Variants in GRIP1 observed in about 807,000 individuals in gnomAD.
GRIP1 encodes glutamate receptor-interacting protein 1.
A neutral mutation model predicts 129.9 loss-of-function variants in GRIP1; 45 were observed. The observed-to-expected ratio is 0.35, with a 90% CI of 0.27 to 0.44. The LOEUF is 0.44. Among genes scored for constraint, GRIP1 ranks in the 20% least tolerant of loss-of-function variants. GRIP1 has a pLI of 1.00. For synonymous variants in GRIP1, 530 were observed against 520.8 expected (o/e 1.02, Z -0.24); for missense variants, 1,196 against 1,396.8 (o/e 0.86, Z 2.29).
intron 1 of GRIP1, among the ~76,000 whole-genome samples, chr12:66,880,080 C>G (rs1463695493): frequency 6.6e-6 from 1 of 152,010 alleles, no homozygotes; most frequent in Non-Finnish European, 1.5e-5. Context: ...TGATGAGGCA[C>G]AGAGAGTAGG....
intron 1 of GRIP1, among the ~76,000 whole-genome samples, chr12:66,827,871 A>G (rs1339701929): frequency 6.6e-6 from 1 of 152,198 alleles, no homozygotes; most frequent in Non-Finnish European, 1.5e-5. Context: ...ATAAAAACAT[A>G]TCTTGCTTAT....
intron 1 of GRIP1, among the ~76,000 whole-genome samples, chr12:66,789,599 ATTAATT>A (rs1344897423): frequency 6.6e-6 from 1 of 151,658 alleles, no homozygotes; most frequent in Non-Finnish European, 1.5e-5. Flanking sequence ...ATGGTCCATA[ATTAATT>A]TGCTGTTTAC....
chr12:66,553,811 A>T (rs2062225023), intron 2 of GRIP1, among the ~76,000 whole-genome samples: 2 of 151,746 alleles, frequency 1.3e-5, no homozygotes, highest in African/African-American at 4.8e-5. Context: ...ATCACAATGG[A>T]AAGCAATACC....
At chr12:66,478,946 T>A (rs2059712129) in intron 7 of GRIP1, among the ~76,000 whole-genome samples, 1 of 151,792 alleles carries the variant, frequency 6.6e-6, no homozygotes, top group African/African-American at 2.4e-5. Flanking sequence ...AGTTAATGGG[T>A]GCAGCACACC....
intron 1 of GRIP1, among the ~76,000 whole-genome samples, chr12:66,910,753 A>G (rs1456597456): frequency 6.6e-6 from 1 of 152,184 alleles, no homozygotes; most frequent in Non-Finnish European, 1.5e-5. Flanking sequence ...TCTAAACTTG[A>G]CTTTGTAGAC....
chr12:66,505,381 A>G (rs2060500137), intron 7 of GRIP1, among the ~76,000 whole-genome samples: 1 of 152,178 alleles, frequency 6.6e-6, no homozygotes, highest in Non-Finnish European at 1.5e-5. Flanking sequence ...ACTCCAAGGA[A>G]TTGATTCTGC....
At chr12:66,901,537 T>A (rs1049618959) in intron 1 of GRIP1, among the ~76,000 whole-genome samples, 1 of 152,244 alleles carries the variant, frequency 6.6e-6, no homozygotes, top group African/African-American at 2.4e-5. Flanking sequence ...CAAATAGTCT[T>A]ACAAGGGAAG....
At chr12:66,550,319 A>G (rs1178875848) in intron 2 of GRIP1, among the ~76,000 whole-genome samples, 2 of 152,204 alleles carry the variant, frequency 1.3e-5, no homozygotes, top group African/African-American at 2.4e-5. Flanking sequence ...CCACACAGTA[A>G]GTGTTCAATA....
At chr12:66,552,357 T>G (rs1396769903) in intron 2 of GRIP1, among the ~76,000 whole-genome samples, 5 of 152,172 alleles carry the variant, frequency 3.3e-5, no homozygotes, top group Non-Finnish European at 7.3e-5. Flanking sequence ...ATAGAGAGAT[T>G]AAAATGAAGA....
chr12:66,461,905 C>A (rs2059147623), intron 9 of GRIP1, among the ~76,000 whole-genome samples: 1 of 152,166 alleles, frequency 6.6e-6, no homozygotes, highest in Admixed American at 6.5e-5. Context: ...AGTGAGGCCT[C>A]TAATTTCAAG....
rs1555241802 is a variant in GRIP1, at chr12:66,815,854, T to TTCTTTCTTTCTTTCTTTCTTTC, written c.59-218928_59-218927insGAAAGAAAGAAAGAAAGAAAGA. ...TTTCTTTCTTTCTTTCTTTCTTTCT[T>TTCTTTCTTTCTTTCTTTCTTTC]TCTCTCTCTCTCTCTCTCTCTCTCT... is the stretch of plus-strand genomic sequence containing the variant. On this transcript the variant is annotated intron_variant, in intron 1 of 1. Transcript: ENST00000643019. Among the ~76,000 whole-genome samples, 285 of 116,776 alleles carry TTCTTTCTTTCTTTCTTTCTTTC rather than the reference T, an allele frequency of 2.4e-3. 2 individuals carry two copies. Among genetic ancestry groups the TTCTTTCTTTCTTTCTTTCTTTC allele is most frequent in the East Asian group, 0.014 (46 of 3,252 alleles). The allele number at this position is 116,776 out of a possible 152,430, so 76.6% of individuals were successfully genotyped here.
chr12:66,877,730 C>A (rs2040406534), intron 1 of GRIP1, among the ~76,000 whole-genome samples: 1 of 152,084 alleles, frequency 6.6e-6, no homozygotes, highest in African/African-American at 2.4e-5. Context: ...CATATTCATT[C>A]TTTCCTCTTA....
At chr12:66,859,353 A>G (rs2040071802) in intron 1 of GRIP1, among the ~76,000 whole-genome samples, 2 of 149,874 alleles carry the variant, frequency 1.3e-5, no homozygotes, top group Admixed American at 1.3e-4. Flanking sequence ...TAGTTCCTTT[A>G]GCATTTGTGT....
chr12:66,857,932 C>G (rs564168351), intron 1 of GRIP1, among the ~76,000 whole-genome samples: 1 of 151,938 alleles, frequency 6.6e-6, no homozygotes, highest in African/African-American at 2.4e-5. Context: ...ATATTAATGT[C>G]GAGCACAGAA....
chr12:66,999,889 G>A (rs2042525243), intron 1 of GRIP1, among the ~76,000 whole-genome samples: 1 of 152,048 alleles, frequency 6.6e-6, no homozygotes, highest in African/African-American at 2.4e-5. Flanking sequence ...CTGTTCATTT[G>A]TCTTACACCT....
intron 1 of GRIP1, among the ~76,000 whole-genome samples, chr12:66,859,661 T>G (rs11176458): frequency 0.52 from 79,233 of 151,818 alleles, 20,964 homozygotes; most frequent in East Asian, 0.72. Context: ...AAACAAGCAG[T>G]ATCATATAAG....
chr12:66,573,789 G>A (rs2063045467), intron 2 of GRIP1, among the ~76,000 whole-genome samples: 1 of 152,174 alleles, frequency 6.6e-6, no homozygotes, highest in Non-Finnish European at 1.5e-5. Flanking sequence ...GGACACACAT[G>A]TACAGGGTAC....
intron 1 of GRIP1, among the ~76,000 whole-genome samples, chr12:66,885,830 G>C (rs1384252144): frequency 6.6e-6 from 1 of 152,190 alleles, no homozygotes; most frequent in Non-Finnish European, 1.5e-5. Flanking sequence ...AACTGACCTT[G>C]TTACCTTGAA....
intron 1 of GRIP1, among the ~76,000 whole-genome samples, chr12:66,985,824 T>C (rs1199550644): frequency 6.6e-6 from 1 of 152,196 alleles, no homozygotes; most frequent in Non-Finnish European, 1.5e-5. Flanking sequence ...TTGTAGATCC[T>C]TCACTGAGGA....
Sources: gnomAD v4.1 joint callset for allele counts (sites outside exome capture counted in the v4.1 genomes callset) on GRCh38, gnomAD v4.1.1 for gene constraint, MANE v1.5 for transcripts, NCBI Gene and HGNC (gene_info 2026-07-23, HGNC 2026-07-21) for gene names.